The following DNAH3 variants were observed in gnomAD, a reference collection of about 807,000 sequenced individuals.
The protein encoded by DNAH3 is axonemal beta dynein heavy chain 3.
A neutral mutation model predicts 432.5 loss-of-function variants in DNAH3; 332 were observed. The observed-to-expected ratio is 0.77, with a 90% confidence interval of 0.70 to 0.84. The LOEUF (loss-of-function observed/expected upper bound fraction) is 0.84, where lower values mean the gene tolerates loss of function less well. Among genes scored for constraint, DNAH3 ranks in the 40% least tolerant of loss-of-function variants. The probability of loss-of-function intolerance (pLI) is 0.00; values close to 1 mark genes in which losing one functional copy is unlikely to be tolerated. For synonymous variants in DNAH3, 1,956 were observed against 1,900.2 expected, an observed-to-expected ratio of 1.03 and a Z score of -0.76; for missense variants, 4,861 against 5,114.0, an observed-to-expected ratio of 0.95 and a Z score of 1.51.
At chr16:21,055,069 T>C (rs968404597) in intron 27 of DNAH3, among the ~76,000 whole-genome samples, 5 of 150,910 alleles carry the variant, frequency 3.3e-5, no homozygotes, top group Admixed American at 6.6e-5. Context: ...AAATGCAACA[T>C]GTAATCCTAG....
At chr16:20,956,085 G>A (rs1050251890) in intron 54 of DNAH3, among the ~76,000 whole-genome samples, 6 of 151,796 alleles carry the variant, frequency 4.0e-5, no homozygotes, top group African/African-American at 1.5e-4. Context: ...CCGCCACTAT[G>A]CCCGGCTAAT....
intron 18 of DNAH3, among the ~76,000 whole-genome samples, chr16:21,094,635 T>C (rs981576773): frequency 6.6e-6 from 1 of 152,014 alleles, no homozygotes; most frequent in South Asian, 2.1e-4. Flanking sequence ...CACACCACTG[T>C]ACAAAGTATG....
At chr16:20,964,260 G>A (rs763766709) in exon 53 of DNAH3, 26 of 1,614,020 alleles carry the variant, frequency 1.6e-5, no homozygotes, top group Middle Eastern at 1.6e-4. Flanking sequence ...TCGCAGCCAC[G>A]ATGCCAAGGA....
chr16:21,096,946 G>A (rs1458953430), intron 18 of DNAH3, among the ~76,000 whole-genome samples: 2 of 152,022 alleles, frequency 1.3e-5, no homozygotes, highest in Non-Finnish European at 2.9e-5. Context: ...AACCCATATC[G>A]GATCAATCAT....
intron 57 of DNAH3, 143 bp from the exon 58 acceptor site, chr16:20,944,806 G>A: frequency 1.4e-6 from 1 of 714,646 alleles, no homozygotes; most frequent in South Asian, 2.1e-5. Flanking sequence ...CACACACGCT[G>A]GGAGAACACA....
At position 20,935,392 on chromosome 16, in the gene DNAH3, G is replaced by A. The variant is rs367973485; in HGVS notation, c.11953C>T (p.Arg3985Trp). The A allele has an allele frequency of 6.0e-5, 97 of 1,613,512 alleles. No homozygotes were observed. In the Middle Eastern group the frequency reaches 9.9e-4, roughly 16 times the overall value. The change falls in exon 61 of 62, where the codon CGG (arginine) becomes TGG (tryptophan). Residue 3985 changes from arginine to tryptophan, a missense_variant. By Grantham distance (101) the Arg-to-Trp change is moderately radical. Transcript: ENST00000261383. ...TGGTCAATGGGGATGGTATATTTCC[G>A]GGCATAATTTTGAGAGACGCCAGTC... is the stretch of plus-strand genomic sequence containing the variant.
At chr16:20,984,229 A>G (rs187882586) in intron 48 of DNAH3, among the ~76,000 whole-genome samples, 40 of 151,970 alleles carry the variant, frequency 2.6e-4, no homozygotes, top group Admixed American at 5.9e-4. Context: ...GTGTGTATGC[A>G]TGCATGAACA....
chr16:21,143,401 A>G (rs2092744708), intron 3 of DNAH3, among the ~76,000 whole-genome samples: 1 of 152,200 alleles, frequency 6.6e-6, no homozygotes, highest in South Asian at 2.1e-4. Flanking sequence ...GCATGCAGCA[A>G]GAAGATAGAG....
rs772064401 is a variant in DNAH3 at position 21,042,009 on chromosome 16, A to G, written c.4638+18T>C. On this transcript the variant is annotated intron_variant, in intron 32 of 61. Coordinates refer to ENST00000261383, the Ensembl canonical transcript of DNAH3. ...ATTCTAAAAAGCACACCCCACATGTATATCTGCTGGCATTTACCTTGAGAT... is the reference window on the plus strand; with the variant it reads ...ATTCTAAAAAGCACACCCCACATGTGTATCTGCTGGCATTTACCTTGAGAT... 4 of 1,613,456 alleles carry G rather than the reference A, an allele frequency of 2.5e-6. No individual in the cohort carries two copies. The highest frequency in any genetic ancestry group is 2.2e-5 in the East Asian group (1 of 44,898).
chr16:20,954,977 G>A (rs138563227), exon 55 of DNAH3: 7 of 1,614,128 alleles, frequency 4.3e-6, no homozygotes, highest in South Asian at 2.2e-5. Flanking sequence ...GAGCCCTTTG[G>A]GGGGCTCATT....
intron 49 of DNAH3, among the ~76,000 whole-genome samples, chr16:20,980,220 TA>T (rs2085804621): frequency 7.1e-6 from 1 of 141,398 alleles, no homozygotes; most frequent in African/African-American, 2.6e-5. Context: ...ATATTATTTA[TA>T]TTATTTATTT....
intron 14 of DNAH3, among the ~76,000 whole-genome samples, chr16:21,110,787 C>G (rs2092052020): frequency 6.6e-6 from 1 of 152,112 alleles, no homozygotes; most frequent in Admixed American, 6.6e-5. Context: ...AGGGGGATCA[C>G]TTGAGCCTGG....
chr16:21,087,250 A>G (rs541865508), intron 18 of DNAH3, among the ~76,000 whole-genome samples, 190 bp from the exon 19 acceptor site: 1 of 152,356 alleles, frequency 6.6e-6, no homozygotes, highest in East Asian at 1.9e-4. Flanking sequence ...CTAAGCCTCA[A>G]CAGTAACTCC....
chr16:21,059,194 G>A (rs1212913146), intron 26 of DNAH3, among the ~76,000 whole-genome samples: 2 of 152,134 alleles, frequency 1.3e-5, no homozygotes, highest in African/African-American at 4.8e-5. Flanking sequence ...GTTGCATTGG[G>A]AATGTGGCCT....
intron 41 of DNAH3, among the ~76,000 whole-genome samples, chr16:21,009,232 C>T (rs1203238228): frequency 6.6e-6 from 1 of 152,138 alleles, no homozygotes; most frequent in Admixed American, 6.5e-5. Context: ...ATTCTTTGGT[C>T]ATTAAAATGA....
At chr16:21,139,196 T>G (rs2092685012) in intron 5 of DNAH3, among the ~76,000 whole-genome samples, 1 of 151,992 alleles carries the variant, frequency 6.6e-6, no homozygotes, top group Non-Finnish European at 1.5e-5. Flanking sequence ...TAATAAGGAA[T>G]GGTGGGAACT....
intron 19 of DNAH3, among the ~76,000 whole-genome samples, chr16:21,084,768 T>A (rs1439833997): frequency 6.6e-6 from 1 of 152,264 alleles, no homozygotes; most frequent in South Asian, 2.1e-4. Flanking sequence ...CTACCTCGCT[T>A]GGCCTGGTTG....
chr16:20,948,299 C>T (rs1022779460), intron 57 of DNAH3, among the ~76,000 whole-genome samples, 184 bp downstream of exon 57: 32 of 152,276 alleles, frequency 2.1e-4, no homozygotes, highest in African/African-American at 7.2e-4. Flanking sequence ...ATACCGACCC[C>T]CTCCTTAAAC....
chr16:21,125,600 T>C (rs1420837024), intron 8 of DNAH3, among the ~76,000 whole-genome samples: 1 of 152,152 alleles, frequency 6.6e-6, no homozygotes, highest in East Asian at 1.9e-4. Context: ...AATACCCAAA[T>C]GGAAAGGGGA....
Sources: gnomAD v4.1 joint callset for allele counts (sites outside exome capture counted in the v4.1 genomes callset) on GRCh38, gnomAD v4.1.1 for gene constraint, MANE v1.5 for transcripts, NCBI Gene and HGNC (gene_info 2026-07-23, HGNC 2026-07-21) for gene names.